FHIT: variants seen among roughly 807,000 people sequenced by gnomAD.
FHIT encodes the protein fragile histidine triad diadenosine triphosphatase, also known as bis(5'-adenosyl)-triphosphatase.
In FHIT, 19 loss-of-function variants were observed where a neutral mutation model predicts 17.9. The ratio of observed to expected loss-of-function variants is 1.06; its 90% CI spans 0.74 to 1.56. The LOEUF (loss-of-function observed/expected upper bound fraction) is 1.56. FHIT is among the 40% of genes most tolerant of loss of function. The pLI, the probability that FHIT is intolerant of heterozygous loss-of-function variation, is 0.00. For missense variants in FHIT, 248 were observed against 189.2 expected (o/e 1.31, Z -1.82); for synonymous variants, 81 against 69.7 (o/e 1.16, Z -0.81).
intron 8 of FHIT, among the ~76,000 whole-genome samples, chr3:59,767,441 G>A (rs1041750703): frequency 5.1e-4 from 77 of 152,144 alleles, no homozygotes; most frequent in Admixed American, 2.0e-4. Context: ...GAATGTTGCA[G>A]TGAGCCGAGA....
chr3:60,554,785 A>G (rs1294117304), intron 4 of FHIT, among the ~76,000 whole-genome samples: 6 of 152,240 alleles, frequency 3.9e-5, no homozygotes, highest in Non-Finnish European at 8.8e-5. Context: ...ATACAACATA[A>G]TAATTACTAT....
intron 7 of FHIT, among the ~76,000 whole-genome samples, chr3:59,948,734 T>A (rs1057342235): frequency 2.0e-5 from 3 of 152,112 alleles, no homozygotes; most frequent in Non-Finnish European, 4.4e-5. Context: ...ACGTTGAGTA[T>A]CTTTTCATGT....
intron 3 of FHIT, among the ~76,000 whole-genome samples, chr3:61,012,611 A>C (rs891337586): frequency 6.6e-6 from 1 of 151,958 alleles, no homozygotes; most frequent in Non-Finnish European, 1.5e-5. Flanking sequence ...TGATATAGGA[A>C]TGAATTAAAA....
At chr3:59,968,117 A>G (rs1054235116) in intron 7 of FHIT, among the ~76,000 whole-genome samples, 7 of 152,048 alleles carry the variant, frequency 4.6e-5, no homozygotes, top group African/African-American at 1.7e-4. Context: ...TGTAAAGAAA[A>G]CTATCACCTA....
chr3:60,784,297 C>A (rs1255946819), intron 4 of FHIT, among the ~76,000 whole-genome samples: 2 of 151,892 alleles, frequency 1.3e-5, no homozygotes, highest in African/African-American at 4.8e-5. Context: ...GAAGGCTGTT[C>A]TCAGGTGACC....
chr3:60,908,561 A>C (rs1255171347), intron 3 of FHIT, among the ~76,000 whole-genome samples: 4 of 152,170 alleles, frequency 2.6e-5, no homozygotes, highest in Admixed American at 2.0e-4. Flanking sequence ...CACAGAATGG[A>C]AAAATAGACA....
At chr3:60,910,080 C>T (rs1418709560) in intron 3 of FHIT, among the ~76,000 whole-genome samples, 1 of 152,118 alleles carries the variant, frequency 6.6e-6, no homozygotes, top group African/African-American at 2.4e-5. Context: ...CGCCCTTTAC[C>T]CTCTCCCCAA....
chr3:59,830,822 C>T (rs1701138597), intron 8 of FHIT, among the ~76,000 whole-genome samples: 1 of 152,202 alleles, frequency 6.6e-6, no homozygotes, highest in African/African-American at 2.4e-5. Flanking sequence ...CAATTGTGCA[C>T]AGCAGCCAAC....
At chr3:60,316,696 C>G (rs1294619218) in intron 5 of FHIT, among the ~76,000 whole-genome samples, 1 of 152,168 alleles carries the variant, frequency 6.6e-6, no homozygotes, top group Admixed American at 6.5e-5. Context: ...CAGATTAAGT[C>G]TTTTTCAAAA....
At chr3:61,058,361 T>C (rs573043117) in intron 2 of FHIT, among the ~76,000 whole-genome samples, 6 of 152,196 alleles carry the variant, frequency 3.9e-5, no homozygotes, top group Non-Finnish European at 8.8e-5. Flanking sequence ...GATAACATCA[T>C]TCTCATTCAT....
chr3:59,827,873 T>G (rs777362917), intron 8 of FHIT, among the ~76,000 whole-genome samples: 21 of 152,256 alleles, frequency 1.4e-4, no homozygotes, highest in Non-Finnish European at 2.1e-4. Flanking sequence ...TCTCTACCAT[T>G]TGCCCCATCT....
chr3:60,276,126 T>C (rs113001883), intron 5 of FHIT, among the ~76,000 whole-genome samples: 48 of 152,082 alleles, frequency 3.2e-4, no homozygotes, highest in African/African-American at 9.4e-4. Context: ...TAGCCGGGAC[T>C]ATAGATACCC....
intron 3 of FHIT, among the ~76,000 whole-genome samples, chr3:60,996,632 C>T (rs528221749): frequency 6.6e-6 from 1 of 152,242 alleles, no homozygotes; most frequent in African/African-American, 2.4e-5. Flanking sequence ...TGTTTGAATC[C>T]ACGACCACAT....
chr3:60,108,392 C>T (rs1246945306), intron 5 of FHIT, among the ~76,000 whole-genome samples: 1 of 152,148 alleles, frequency 6.6e-6, no homozygotes, highest in Admixed American at 6.5e-5. Flanking sequence ...TAGGTAATGT[C>T]ACTCCCTCCA....
chr3:61,219,449 C>T (rs1297609895), intron 1 of FHIT, among the ~76,000 whole-genome samples: 1 of 151,936 alleles, frequency 6.6e-6, no homozygotes, highest in Non-Finnish European at 1.5e-5. Context: ...AGACAATAGT[C>T]AGGAATAGCC....
chr3:60,127,185 C>G (rs564079161), intron 5 of FHIT, among the ~76,000 whole-genome samples: 6 of 152,114 alleles, frequency 3.9e-5, no homozygotes, highest in Non-Finnish European at 7.4e-5. Flanking sequence ...ACTCAGCCCA[C>G]GCAATGTTTT....
In FHIT at chr3:60,994,870, G is replaced by A. The variant is rs914175386; in HGVS notation, c.-111+47177C>T. On this transcript the variant is annotated intron_variant, in intron 3 of 9. Coordinates refer to ENST00000492590, the MANE Select transcript of FHIT (RefSeq NM_002012.4). The stretch of plus-strand genomic sequence containing the variant: ...CACAGCTGCAGCTGAGCTCCAGCCA[G>A]TCGTTCCCATGAAGGAATAATAATG... 4.2e-4 allele frequency among the ~76,000 whole-genome samples: 64 copies of A among 152,182 alleles called. 2 individuals are homozygous for A.
At chr3:60,255,334 A>G (rs905878097) in intron 5 of FHIT, among the ~76,000 whole-genome samples, 2 of 152,192 alleles carry the variant, frequency 1.3e-5, no homozygotes, top group Non-Finnish European at 2.9e-5. Flanking sequence ...CAAACCACGC[A>G]GAAACAACTC....
intron 5 of FHIT, among the ~76,000 whole-genome samples, chr3:60,142,561 C>A (rs1014143294): frequency 3.9e-5 from 6 of 152,110 alleles, no homozygotes; most frequent in Non-Finnish European, 7.4e-5. Flanking sequence ...TGCAGCAGCA[C>A]GATCATGGCT....
Sources: allele counts gnomAD v4.1 joint callset (sites outside exome capture counted in the v4.1 genomes callset), GRCh38; gene constraint gnomAD v4.1.1; transcripts MANE v1.5; gene names NCBI Gene and HGNC (gene_info 2026-07-23, HGNC 2026-07-21).